Variants in PKM observed in about 807,000 individuals in gnomAD.
The protein encoded by PKM is pyruvate kinase M1/2, also known as pyruvate kinase PKM.
A neutral mutation model predicts 49.8 loss-of-function variants in PKM; 18 were observed. The observed-to-expected ratio is 0.36, with a 90% CI of 0.25 to 0.54. The LOEUF is 0.54. PKM is among the 20% of genes least tolerant of loss of function. The pLI is 0.89. For synonymous variants in PKM, 239 were observed against 261.8 expected, an observed-to-expected ratio of 0.91 and a Z score of 0.84; for missense variants, 508 against 713.8, an observed-to-expected ratio of 0.71 and a Z score of 3.28.
intron 3 of PKM, among the ~76,000 whole-genome samples, chr15:72,215,614 A>G (rs575775919): frequency 2.0e-5 from 3 of 152,326 alleles, no homozygotes; most frequent in Non-Finnish European, 2.9e-5. Context: ...TAAAATACCA[A>G]AATCGGAGCC....
intron 1 of PKM, chr15:72,228,451 C>CACTGCAAGCT (rs2082747723): frequency 3.7e-6 from 1 of 272,042 alleles, no homozygotes; most frequent in Non-Finnish European, 7.6e-6. Context: ...GATCTCGGCT[C>CACTGCAAGCT]ACTGCAAGCT....
At chr15:72,207,818 C>A (rs1049211409) in intron 6 of PKM, among the ~76,000 whole-genome samples, 1 of 151,934 alleles carries the variant, frequency 6.6e-6, no homozygotes, top group Admixed American at 6.5e-5. Context: ...AAGGGGAGGA[C>A]CCCAAATTGC....
intron 2 of PKM, among the ~76,000 whole-genome samples, chr15:72,218,159 T>A (rs562796398): frequency 6.6e-6 from 1 of 152,150 alleles, no homozygotes; most frequent in South Asian, 2.1e-4. Context: ...AGTTTCGTTC[T>A]TGTTGCCAAG....
intron 8 of PKM, chr15:72,203,547 T>A: frequency 2.8e-6 from 1 of 353,182 alleles, no homozygotes; most frequent in African/African-American, 2.1e-5. Context: ...CGCTGCCTCA[T>A]GACATAGCTT....
Position 72,202,706 on chromosome 15 carries a change from G to C in PKM, c.1141-86C>G. ...TCACAAAAGGAGAGGGAGGGGAAGA[G>C]TCACCGGACAGCTGGTGAGGAACAT... On this transcript the variant is annotated intron_variant, in intron 8 of 10. Transcript: ENST00000335181. This position sits in a 1 kb window ranked among gnomAD's most constrained non-coding sequence, Gnocchi z 4.5. The C allele has an allele frequency of 6.0e-6, 7 of 1,169,910 alleles. No individual in the cohort carries two copies. The highest frequency in any genetic ancestry group is 8.7e-6 in the Non-Finnish European group (7 of 800,986). The allele number at this position is 1,169,910 out of a possible 1,614,324, so 72.5% of individuals were successfully genotyped here.
chr15:72,200,885 T>G lies in PKM; in HGVS notation c.1308-230A>C. On this transcript the variant is annotated intron_variant, in intron 9 of 10. Transcript: ENST00000335181. The surrounding 1 kb of genome is among the most constrained non-coding windows in gnomAD (Gnocchi z 4.6). ...TACCCCCATTCCACAGGCCAAGGGCTCAGGATCACCTTGACCCAGCAAGAT... is the reference window on the plus strand; with the variant it reads ...TACCCCCATTCCACAGGCCAAGGGCGCAGGATCACCTTGACCCAGCAAGAT... 1 of 524,194 alleles carries G rather than the reference T, an allele frequency of 1.9e-6. No individual in the cohort carries two copies. Among genetic ancestry groups the G allele is most frequent in the African/African-American group, 1.9e-5 (1 of 52,620 alleles). 32.5% of individuals were successfully genotyped at this position (524,194 alleles called of 1,614,324 possible).
At chr15:72,220,366 C>T (rs374881778) in intron 1 of PKM, among the ~76,000 whole-genome samples, 1 of 152,162 alleles carries the variant, frequency 6.6e-6, no homozygotes, top group East Asian at 1.9e-4. Flanking sequence ...TACCCTGTTC[C>T]ATCTCTGACT....
At position 72,219,130 on chromosome 15, in the gene PKM, A is replaced by G; in HGVS notation, c.-13-20T>C. 1 of 1,607,400 alleles carries G rather than the reference A, an allele frequency of 6.2e-7. No homozygotes were observed. Among genetic ancestry groups the G allele is most frequent in the Non-Finnish European group, 8.5e-7 (1 of 1,175,016 alleles). ...GAGGTCCTGGGTCGAGACAAATTGA[A>G]AGAGAGTGGTAAGACTGAGAAGTGG... On this transcript the variant is annotated intron_variant, in intron 1 of 10. Coordinates refer to ENST00000335181, the MANE Select transcript of PKM (RefSeq NM_002654.6).
At chr15:72,206,983 G>T in intron 7 of PKM, 103 bp from the exon 8 acceptor site, 2 of 1,477,464 alleles carry the variant, frequency 1.4e-6, no homozygotes, top group South Asian at 1.1e-5. Flanking sequence ...ACAGAGTATG[G>T]CTTTGTGTAG....
chr15:72,207,156 C>T lies in PKM; in HGVS notation c.958G>A (p.Ala320Thr). ...QKMMIGRCNR[A>T]GKPVICATQM... ...GTAGCACAGATGACAGGCTTCCCAG[C>T]TCGGTTGCACCGTCCAATCATCATC... is the stretch of plus-strand genomic sequence containing the variant. The change falls in exon 7 of 11, where the codon GCT (alanine) becomes ACT (threonine). Residue 320 changes from alanine (A) to threonine (T), a missense_variant. Physicochemically the swap from Ala to Thr is moderately conservative, Grantham distance 58. Transcript: ENST00000335181. The T allele has an allele frequency of 2.5e-6, 4 of 1,614,008 alleles. No homozygotes were observed. Among genetic ancestry groups the T allele is most frequent in the Non-Finnish European group, 3.4e-6 (4 of 1,180,026 alleles).
chr15:72,228,822 C>T (rs1428527814), intron 1 of PKM: 4 of 327,136 alleles, frequency 1.2e-5, no homozygotes, highest in South Asian at 2.3e-5. Context: ...TCAAGACGGC[C>T]AACTGGGGGC....
chr15:72,200,375 T>C lies in PKM; in HGVS notation c.1489+99A>G. 9.2e-7 allele frequency: 1 copy of C among 1,089,056 alleles called. No individual in the cohort carries two copies. Among genetic ancestry groups the C allele is most frequent in the South Asian group, 1.3e-5 (1 of 77,136 alleles). 67.5% of individuals were successfully genotyped at this position (1,089,056 alleles called of 1,614,324 possible). ...CTTTTGCCCCACTAAGGTCTGTGTGTTCCCCTTTCTATTCCCCAAACTTTC... is the reference window on the plus strand; with the variant it reads ...CTTTTGCCCCACTAAGGTCTGTGTGCTCCCCTTTCTATTCCCCAAACTTTC... On this transcript the variant is annotated intron_variant, in intron 10 of 10. Transcript: ENST00000335181. The surrounding 1 kb of genome is among the most constrained non-coding windows in gnomAD (Gnocchi z 4.6).
chr15:72,230,829 G>T (rs1339029604), intron 1 of PKM: 1 of 790,560 alleles, frequency 1.3e-6, no homozygotes, highest in African/African-American at 1.8e-5. Flanking sequence ...TTGAGGATTG[G>T]GGCAGGAGGA....
intron 8 of PKM, chr15:72,204,151 A>G (rs1190487535): frequency 6.6e-6 from 1 of 152,230 alleles, no homozygotes; most frequent in East Asian, 1.9e-4. Context: ...CATGAACAGG[A>G]AACAGAGCCA....
chr15:72,217,840 G>A (rs1383447951), intron 2 of PKM, among the ~76,000 whole-genome samples: 1 of 152,134 alleles, frequency 6.6e-6, no homozygotes, highest in Non-Finnish European at 1.5e-5. Flanking sequence ...ATCTTTCCTA[G>A]GTCTTTAAGT....
chr15:72,215,116 G>A (rs1304180465), intron 3 of PKM, among the ~76,000 whole-genome samples: 4 of 151,878 alleles, frequency 2.6e-5, no homozygotes, highest in African/African-American at 4.8e-5. Context: ...TATGAGAATT[G>A]CTTGAACCTG....
At chr15:72,229,361 G>A (rs1257941960) in intron 1 of PKM, among the ~76,000 whole-genome samples, 3 of 152,130 alleles carry the variant, frequency 2.0e-5, no homozygotes, top group African/African-American at 7.2e-5. Context: ...GAGGTGTAGA[G>A]GCTGAACTCC....
In PKM at chr15:72,200,551, G is replaced by C; in HGVS notation, c.1412C>G (p.Pro471Arg). Residue 471 changes from proline to arginine, a missense_variant, in exon 10 of 11, where the codon CCT (proline) becomes CGT (arginine). Coordinates refer to ENST00000335181, the MANE Select transcript of PKM (RefSeq NM_002654.6). This position sits in a 1 kb window ranked among gnomAD's most constrained non-coding sequence, Gnocchi z 4.6. ...RQAHLYRGIF[P>R]VLCKDPVQEA... Reference sequence around the variant, plus strand: ...CTGGACTGGGTCCTTGCACAGCACAGGGAAGATGCCACGGTACAGGTGGGC... The same window carrying C: ...CTGGACTGGGTCCTTGCACAGCACACGGAAGATGCCACGGTACAGGTGGGC... 1 of 1,614,000 alleles carries C rather than the reference G, an allele frequency of 6.2e-7. No homozygotes were observed. The highest frequency in any genetic ancestry group is 8.5e-7 in the Non-Finnish European group (1 of 1,179,922).
intron 3 of PKM, among the ~76,000 whole-genome samples, chr15:72,212,293 G>A (rs1437165118): frequency 6.6e-6 from 1 of 152,078 alleles, no homozygotes; most frequent in African/African-American, 2.4e-5. Context: ...AGGCCAACAT[G>A]GTGAAACCTC....
Sources: gnomAD v4.1 joint callset for allele counts (sites outside exome capture counted in the v4.1 genomes callset) on GRCh38, gnomAD v4.1.1 for gene constraint, Gnocchi (gnomAD v3.1) non-coding constraint, MANE v1.5 for transcripts, NCBI Gene and HGNC (gene_info 2026-07-23, HGNC 2026-07-21) for gene names.